The following CCN6 variants were observed in gnomAD, a reference collection of about 807,000 sequenced individuals.
The protein encoded by CCN6 is cellular communication network factor 6, also known as CCN family member 6.
A neutral mutation model predicts 37.4 loss-of-function variants in CCN6; 31 were observed. The observed-to-expected ratio is 0.83, with a 90% CI of 0.62 to 1.12. The LOEUF (loss-of-function observed/expected upper bound fraction) is 1.12, where lower values mean the gene tolerates loss of function less well. Ranked by LOEUF, CCN6 falls within the 50% of genes most tolerant of loss-of-function variation. The pLI is 0.00. For synonymous variants in CCN6, 137 were observed against 142.1 expected, an observed-to-expected ratio of 0.96 and a Z score of 0.26; for missense variants, 369 against 413.8, an observed-to-expected ratio of 0.89 and a Z score of 0.94.
chr6:112,055,930 T>G (rs1412159762), intron 1 of CCN6, among the ~76,000 whole-genome samples: 1 of 152,166 alleles, frequency 6.6e-6, no homozygotes, highest in Non-Finnish European at 1.5e-5. Flanking sequence ...CAAAACAACT[T>G]TACAAGGTGG....
intron 3 of CCN6, 130 bp from the exon 4 acceptor site, chr6:112,068,075 G>A: frequency 3.9e-6 from 3 of 768,386 alleles, no homozygotes; most frequent in Non-Finnish European, 5.8e-6. Flanking sequence ...TAGACCATCG[G>A]CTTCTTTTAT....
chr6:112,060,178 G>A, intron 1 of CCN6: 2 of 1,302,824 alleles, frequency 1.5e-6, no homozygotes, highest in East Asian at 5.1e-5. Flanking sequence ...ACATGGAAAT[G>A]GGAGGCCATG....
At chr6:112,059,394 A>G (rs1286199070) in intron 1 of CCN6, among the ~76,000 whole-genome samples, 9 of 152,208 alleles carry the variant, frequency 5.9e-5, no homozygotes. Flanking sequence ...TGGAGGTGGC[A>G]GGGGAGAATC....
intron 1 of CCN6, among the ~76,000 whole-genome samples, chr6:112,058,964 C>T (rs1309792151): frequency 1.3e-5 from 2 of 152,076 alleles, no homozygotes; most frequent in Non-Finnish European, 2.9e-5. Context: ...ACTTGTAGAA[C>T]CTCAAAGTGC....
chr6:112,069,376 T>C lies in CCN6; in HGVS notation c.821T>C (p.Leu274Pro), dbSNP rs1554314698. The change falls in exon 5 of 5, where the codon CTC becomes CCC. Residue 274 changes from leucine to proline, a missense_variant. Coordinates refer to ENST00000368666, the MANE Select transcript of CCN6 (RefSeq NM_198239.2). Reference protein sequence around the residue: ...KGKTCQPTFQLSKAEKFVFSG... With the variant: ...KGKTCQPTFQPSKAEKFVFSG... ...AAAACATGCCAACCTACTTTCCAAC[T>C]CTCCAAAGCTGAAAAATTTGTCTTT... The C allele has an allele frequency of 1.2e-6, 2 of 1,613,554 alleles. No homozygotes were observed. Among genetic ancestry groups the C allele is most frequent in the Admixed American group, 3.3e-5 (2 of 59,978 alleles).
At chr6:112,060,256 T>A (rs1010867909) in intron 1 of CCN6, among the ~76,000 whole-genome samples, 1 of 152,306 alleles carries the variant, frequency 6.6e-6, no homozygotes, top group South Asian at 2.1e-4. Flanking sequence ...ATTCTGGATG[T>A]CAAGTGGACA....
upstream of CCN6, among the ~76,000 whole-genome samples, chr6:112,052,916 C>T (rs115173672): frequency 4.9e-3 from 741 of 152,302 alleles, 6 homozygotes; most frequent in African/African-American, 0.017. Context: ...AGGACAGCCT[C>T]GTTTTTCCCA....
At position 112,069,665 on chromosome 6, in the gene CCN6, A is replaced by G. The variant is rs782023330; in HGVS notation, c.*45A>G. The G allele has an allele frequency of 2.2e-5, 35 of 1,607,566 alleles. No individual in the cohort carries two copies. The highest frequency in any genetic ancestry group is 3.0e-5 in the Non-Finnish European group (35 of 1,175,714). ...AAGTTAGTCAATCCTGTCATATAAT[A>G]AAAAAATTAGTGAGTATAAAATGGT... is the stretch of plus-strand genomic sequence containing the variant. On this transcript the variant is annotated 3_prime_UTR_variant, in exon 5 of 5. Coordinates refer to ENST00000368666, the MANE Select transcript of CCN6 (RefSeq NM_198239.2).
Position 112,061,300 on chromosome 6 carries a change from C to T in CCN6, c.346+12C>T. 6.2e-7 allele frequency: 1 copy of T among 1,614,060 alleles called. No homozygotes were observed. The highest frequency in any genetic ancestry group is 8.5e-7 in the Non-Finnish European group (1 of 1,179,984). ...TGGAGTGTGTGCATGTAAGTGTCTTCTTCTGGACCTGCTGGAAAAGATTGA... is the reference window on the plus strand; with the variant it reads ...TGGAGTGTGTGCATGTAAGTGTCTTTTTCTGGACCTGCTGGAAAAGATTGA... On this transcript the variant is annotated intron_variant, in intron 2 of 4. Transcript: ENST00000368666.
intron 2 of CCN6, among the ~76,000 whole-genome samples, chr6:112,063,944 A>G (rs1776602520): frequency 6.6e-6 from 1 of 152,236 alleles, no homozygotes; most frequent in African/African-American, 2.4e-5. Flanking sequence ...AGAGACCAGT[A>G]TTTGATGATT....
At position 112,059,355 on chromosome 6, in the gene CCN6, A is replaced by C. The variant is rs587757915; in HGVS notation, c.49-1636A>C. Among the ~76,000 whole-genome samples the C allele has an allele frequency of 1.7e-3, 261 of 152,322 alleles. 4 individuals are homozygous for C. Among genetic ancestry groups the C allele is most frequent in the African/African-American group, 6.1e-3 (255 of 41,554 alleles). On this transcript the variant is annotated intron_variant, in intron 1 of 4. Coordinates refer to ENST00000368666, the MANE Select transcript of CCN6 (RefSeq NM_198239.2). ...CAAAAATGGGTCTTACAGGGCTAAA[A>C]TCAAGCGTTGGCAGGACTGCCTCCC...
intron 1 of CCN6, among the ~76,000 whole-genome samples, chr6:112,058,443 G>A (rs1377504895): frequency 6.6e-6 from 1 of 152,176 alleles, no homozygotes; most frequent in Non-Finnish European, 1.5e-5. Context: ...AAATTGCCAG[G>A]CACTGTGCTA....
intron 3 of CCN6, chr6:112,066,871 G>A (rs968620189): frequency 1.0e-6 from 1 of 970,880 alleles, no homozygotes; most frequent in African/African-American, 1.7e-5. Context: ...TAGTTTTCTT[G>A]CTTTTTAATG....
intron 3 of CCN6, among the ~76,000 whole-genome samples, chr6:112,066,108 A>C (rs1272671856): frequency 6.6e-6 from 1 of 152,186 alleles, no homozygotes; most frequent in Non-Finnish European, 1.5e-5. Context: ...TTAAGAACTA[A>C]CTCTATGAAA....
At chr6:112,061,487 A>T in intron 2 of CCN6, 199 bp downstream of exon 2, 1 of 646,952 alleles carries the variant, frequency 1.5e-6, no homozygotes, top group Non-Finnish European at 2.7e-6. Context: ...TCAGAAGCCC[A>T]TTATTTTCAT....
chr6:112,058,182 A>G (rs1275626954), intron 1 of CCN6, among the ~76,000 whole-genome samples: 3 of 152,132 alleles, frequency 2.0e-5, no homozygotes, highest in Non-Finnish European at 4.4e-5. Flanking sequence ...GCAGTGTCCT[A>G]TCCTCCCCAT....
At chr6:112,058,225 T>C (rs1327896955) in intron 1 of CCN6, among the ~76,000 whole-genome samples, 1 of 152,206 alleles carries the variant, frequency 6.6e-6, no homozygotes. Flanking sequence ...CATGTAACTT[T>C]TGAATCACAG....
At chr6:112,057,518 G>A (rs1258730723) in intron 1 of CCN6, among the ~76,000 whole-genome samples, 4 of 152,176 alleles carry the variant, frequency 2.6e-5, no homozygotes, top group Non-Finnish European at 5.9e-5. Flanking sequence ...ATCGTCATAG[G>A]AGGTGAGAGG....
chr6:112,068,282 T>C lies in CCN6; in HGVS notation c.667T>C (p.Cys223Arg), dbSNP rs782813346. Residue 223 changes from cysteine (C) to arginine (R), a missense_variant, in exon 4 of 5, where the codon TGT becomes CGT. Cys to Arg is a radical substitution (Grantham distance 180, BLOSUM62 -3). Coordinates refer to ENST00000368666, the MANE Select transcript of CCN6 (RefSeq NM_198239.2). ...AAAATGGACTCCCTGCTCCAGAACA[T>C]GTGGGATGGGAATATCTAACAGGGT... ...ATKWTPCSRT[C>R]GMGISNRVTN... 10 of 1,612,816 alleles carry C rather than the reference T, an allele frequency of 6.2e-6. No individual in the cohort carries two copies. In the East Asian group the frequency reaches 6.7e-5, roughly 11 times the overall value.
Sources: gnomAD v4.1 joint callset for allele counts (sites outside exome capture counted in the v4.1 genomes callset) on GRCh38, gnomAD v4.1.1 for gene constraint, MANE v1.5 for transcripts, NCBI Gene and HGNC (gene_info 2026-07-23, HGNC 2026-07-21) for gene names.